Variants in CDH12 observed in about 807,000 individuals in gnomAD.
CDH12 encodes the protein cadherin 12, also known as cadherin-12.
In CDH12, 41 loss-of-function variants were observed where a neutral mutation model predicts 74.1. The ratio of observed to expected loss-of-function variants is 0.55; its 90% CI spans 0.43 to 0.72. The LOEUF is 0.72. CDH12 is among the 30% of genes least tolerant of loss of function. The pLI is 0.00. For synonymous variants in CDH12, 399 were observed against 355.0 expected (o/e 1.12, Z -1.39); for missense variants, 945 against 977.2 (o/e 0.97, Z 0.44).
chr5:22,568,230 A>G (rs775766099), intron 1 of CDH12, among the ~76,000 whole-genome samples: 14 of 152,228 alleles, frequency 9.2e-5, no homozygotes, highest in Non-Finnish European at 1.8e-4. Flanking sequence ...GATGAGCAGC[A>G]TAAGATGCAA....
chr5:22,540,651 G>A (rs1193213295), intron 1 of CDH12, among the ~76,000 whole-genome samples: 1 of 152,062 alleles, frequency 6.6e-6, no homozygotes, highest in Non-Finnish European at 1.5e-5. Flanking sequence ...TACTAGTCTG[G>A]TGAAATTAAC....
At chr5:22,265,694 T>C (rs529682407) in intron 3 of CDH12, among the ~76,000 whole-genome samples, 1 of 152,160 alleles carries the variant, frequency 6.6e-6, no homozygotes, top group African/African-American at 2.4e-5. Context: ...GGGAAAATAG[T>C]ACTGAAGTAG....
At chr5:22,350,247 C>T (rs1356706664) in intron 3 of CDH12, among the ~76,000 whole-genome samples, 1 of 152,102 alleles carries the variant, frequency 6.6e-6, no homozygotes, top group Non-Finnish European at 1.5e-5. Flanking sequence ...AAGACTTAAA[C>T]TTATTATGCA....
chr5:21,959,694 G>A (rs1168870631), intron 6 of CDH12, among the ~76,000 whole-genome samples: 1 of 149,704 alleles, frequency 6.7e-6, no homozygotes, highest in African/African-American at 2.5e-5. Context: ...TGGATTACCA[G>A]GTCAGGAGAT....
chr5:22,539,029 G>T (rs1737984218), intron 1 of CDH12, among the ~76,000 whole-genome samples: 1 of 152,122 alleles, frequency 6.6e-6, no homozygotes, highest in Non-Finnish European at 1.5e-5. Flanking sequence ...CTGAGTAGCT[G>T]GGATTACAGG....
intron 2 of CDH12, among the ~76,000 whole-genome samples, chr5:22,488,832 C>A (rs898703358): frequency 6.6e-6 from 1 of 151,904 alleles, no homozygotes; most frequent in Non-Finnish European, 1.5e-5. Flanking sequence ...CTTGCACCCT[C>A]TATCTACTGG....
intron 1 of CDH12, among the ~76,000 whole-genome samples, chr5:22,668,161 C>A (rs1281086518): frequency 6.6e-6 from 1 of 152,088 alleles, no homozygotes; most frequent in Non-Finnish European, 1.5e-5. Context: ...TCAGCTTATA[C>A]TTTTTATTAT....
At chr5:22,388,574 A>G (rs1466546499) in intron 3 of CDH12, among the ~76,000 whole-genome samples, 1 of 152,168 alleles carries the variant, frequency 6.6e-6, no homozygotes, top group Non-Finnish European at 1.5e-5. Context: ...TTATTTTTTG[A>G]TAACAACACT....
intron 1 of CDH12, among the ~76,000 whole-genome samples, chr5:22,595,211 T>C (rs564925751): frequency 5.7e-4 from 87 of 152,300 alleles, no homozygotes; most frequent in African/African-American, 2.0e-3. Flanking sequence ...TGCTGGAAAT[T>C]CATCTTTATG....
At chr5:22,814,947 C>T (rs1429116823) in intron 1 of CDH12, among the ~76,000 whole-genome samples, 1 of 152,126 alleles carries the variant, frequency 6.6e-6, no homozygotes, top group African/African-American at 2.4e-5. Flanking sequence ...AATCTTCTTT[C>T]AGATAGCTTC....
chr5:22,509,892 A>T lies in CDH12; in HGVS notation c.-522-4528T>A, dbSNP rs1053622613. On this transcript the variant is annotated intron_variant, in intron 1 of 14. Transcript: ENST00000382254. Reference sequence around the variant, plus strand: ...TAATATGGTGGATGCAACCCAGAGTAGTAATATAAAGCATGGTATAGCACT... The same window carrying T: ...TAATATGGTGGATGCAACCCAGAGTTGTAATATAAAGCATGGTATAGCACT... Among the ~76,000 whole-genome samples, 7 of 152,290 alleles carry T rather than the reference A, an allele frequency of 4.6e-5. No individual in the cohort carries two copies. The East Asian group carries it at 1.2e-3, about 25-fold the overall frequency.
At chr5:22,525,892 G>A (rs77650019) in intron 1 of CDH12, among the ~76,000 whole-genome samples, 2,341 of 152,232 alleles carry the variant, frequency 0.015, 21 homozygotes, top group Non-Finnish European at 0.024. Flanking sequence ...ATATAGTGAG[G>A]ATTACCAAAT....
chr5:22,596,506 G>T (rs937644128), intron 1 of CDH12, among the ~76,000 whole-genome samples: 1 of 152,140 alleles, frequency 6.6e-6, no homozygotes, highest in African/African-American at 2.4e-5. Context: ...AAATCTGAAA[G>T]TTAGGATGTG....
chr5:22,221,745 T>A (rs776980184), intron 3 of CDH12, among the ~76,000 whole-genome samples: 2 of 151,956 alleles, frequency 1.3e-5, no homozygotes, highest in Non-Finnish European at 2.9e-5. Context: ...CATCTAAAGA[T>A]ATATTATTTA....
intron 2 of CDH12, among the ~76,000 whole-genome samples, chr5:22,437,425 C>T (rs1175031627): frequency 6.6e-6 from 1 of 151,104 alleles, no homozygotes; most frequent in Non-Finnish European, 1.5e-5. Flanking sequence ...TTTTTTTCAA[C>T]CCCAATACAA....
At chr5:22,591,159 A>C (rs1056236746) in intron 1 of CDH12, among the ~76,000 whole-genome samples, 2 of 152,182 alleles carry the variant, frequency 1.3e-5, no homozygotes, top group East Asian at 3.8e-4. Context: ...AATGCTTTGC[A>C]TGTAGGTCAT....
At chr5:22,727,077 T>C (rs1342007293) in intron 1 of CDH12, among the ~76,000 whole-genome samples, 1 of 151,714 alleles carries the variant, frequency 6.6e-6, no homozygotes, top group East Asian at 1.9e-4. Context: ...ATAATAGGAG[T>C]ACAAGGCATT....
chr5:22,062,148 G>C (rs1488238814), intron 5 of CDH12, among the ~76,000 whole-genome samples: 2 of 152,124 alleles, frequency 1.3e-5, no homozygotes. Context: ...TTGATTTAAA[G>C]ATAGTTGAAC....
intron 1 of CDH12, among the ~76,000 whole-genome samples, chr5:22,511,392 T>C: frequency 6.6e-6 from 1 of 151,804 alleles, no homozygotes. Context: ...ATGTCAACAA[T>C]CAATAAAGTA....
Sources: allele counts gnomAD v4.1 joint callset (sites outside exome capture counted in the v4.1 genomes callset), GRCh38; gene constraint gnomAD v4.1.1; transcripts MANE v1.5; gene names NCBI Gene and HGNC (gene_info 2026-07-23, HGNC 2026-07-21).